Variants in NIBAN1 observed in about 807,000 individuals in gnomAD.
NIBAN1 encodes niban apoptosis regulator 1.
In NIBAN1, 81 loss-of-function variants were observed where a neutral mutation model predicts 75.1. The ratio of observed to expected loss-of-function variants is 1.08; its 90% CI spans 0.90 to 1.30. The LOEUF is 1.30. NIBAN1 is among the 50% of genes most tolerant of loss of function. NIBAN1 has a pLI of 0.00. For synonymous variants in NIBAN1, 436 were observed against 424.8 expected (o/e 1.03, Z -0.32); for missense variants, 1,133 against 1,128.1 (o/e 1.00, Z -0.06).
At chr1:184,875,956 C>A (rs1656220613) in intron 5 of NIBAN1, among the ~76,000 whole-genome samples, 1 of 151,964 alleles carries the variant, frequency 6.6e-6, no homozygotes. Flanking sequence ...GGTGGATCAC[C>A]TGAGGTCAGG....
intron 5 of NIBAN1, among the ~76,000 whole-genome samples, chr1:184,879,078 CAG>C (rs1656307646): frequency 6.6e-6 from 1 of 152,150 alleles, no homozygotes; most frequent in Admixed American, 6.6e-5. Flanking sequence ...GTAGCTCAAG[CAG>C]AGAGAACACT....
At chr1:184,897,035 G>A (rs1043699690) in intron 2 of NIBAN1, among the ~76,000 whole-genome samples, 1 of 152,022 alleles carries the variant, frequency 6.6e-6, no homozygotes, top group African/African-American at 2.4e-5. Flanking sequence ...GCTTTTATTT[G>A]TTCCCTATGA....
chr1:184,938,853 A>G (rs1658023607), intron 1 of NIBAN1, among the ~76,000 whole-genome samples: 1 of 152,228 alleles, frequency 6.6e-6, no homozygotes, highest in Non-Finnish European at 1.5e-5. Context: ...TAAAGATTGT[A>G]TTACTAGGGC....
At chr1:184,909,563 AG>A (rs1367781539) in intron 1 of NIBAN1, among the ~76,000 whole-genome samples, 1 of 152,232 alleles carries the variant, frequency 6.6e-6, no homozygotes, top group East Asian at 1.9e-4. Context: ...CAGGAAAAAA[AG>A]TCTATAAACC....
intron 1 of NIBAN1, among the ~76,000 whole-genome samples, chr1:184,906,849 T>A (rs1432410436): frequency 6.6e-6 from 1 of 152,178 alleles, no homozygotes; most frequent in East Asian, 1.9e-4. Flanking sequence ...GACAAATCTG[T>A]ATATTTTCTC....
At chr1:184,924,604 G>T (rs1255904897) in intron 1 of NIBAN1, among the ~76,000 whole-genome samples, 1 of 152,086 alleles carries the variant, frequency 6.6e-6, no homozygotes, top group Non-Finnish European at 1.5e-5. Flanking sequence ...AATAGTTTGG[G>T]TAGGATTGGT....
intron 5 of NIBAN1, among the ~76,000 whole-genome samples, chr1:184,870,913 G>A (rs997495593): frequency 6.6e-6 from 1 of 152,108 alleles, no homozygotes; most frequent in Admixed American, 6.6e-5. Context: ...AAATTCATAC[G>A]TTGAAATCTT....
intron 5 of NIBAN1, among the ~76,000 whole-genome samples, chr1:184,876,687 CA>C (rs773132917): frequency 1.3e-3 from 178 of 134,758 alleles, no homozygotes; most frequent in Middle Eastern, 4.0e-3. Context: ...GACTCCATCT[CA>C]AAAAAAAAAA....
intron 5 of NIBAN1, among the ~76,000 whole-genome samples, chr1:184,877,276 T>A (rs1465460623): frequency 2.0e-5 from 3 of 150,574 alleles, no homozygotes; most frequent in Non-Finnish European, 4.4e-5. Flanking sequence ...TGGATAAAGT[T>A]AAAAACACAC....
intron 1 of NIBAN1, among the ~76,000 whole-genome samples, chr1:184,903,520 G>T (rs1433775872): frequency 6.6e-6 from 1 of 152,110 alleles, no homozygotes; most frequent in African/African-American, 2.4e-5. Context: ...GGATAGGTGT[G>T]TTCTTGTTCC....
chr1:184,826,846 T>C (rs1654853932), intron 6 of NIBAN1, among the ~76,000 whole-genome samples: 1 of 150,518 alleles, frequency 6.6e-6, no homozygotes, highest in Non-Finnish European at 1.5e-5. Flanking sequence ...AGGGTGGGAG[T>C]GGGTTACGAG....
intron 1 of NIBAN1, among the ~76,000 whole-genome samples, chr1:184,939,892 T>A (rs1029199951): frequency 6.6e-5 from 10 of 152,188 alleles, no homozygotes; most frequent in African/African-American, 2.4e-4. Context: ...ATCCTATTCA[T>A]CTTTGTATCT....
rs1290733293 is a variant in NIBAN1, at chr1:184,901,280, A to G, written c.56-1971T>C. 2.6e-5 allele frequency among the ~76,000 whole-genome samples: 4 copies of G among 152,202 alleles called. No individual in the cohort carries two copies. The East Asian group carries it at 7.7e-4, about 29-fold the overall frequency. On this transcript the variant is annotated intron_variant, in intron 1 of 13. Coordinates refer to ENST00000367511, the MANE Select transcript of NIBAN1 (RefSeq NM_052966.4). The stretch of plus-strand genomic sequence containing the variant: ...TAAGGTGCTTTGAGACCCACTAATA[A>G]TAGATTCTGTAGAAATGCAAATAAA...
At chr1:184,857,691 C>T (rs567581490) in intron 5 of NIBAN1, among the ~76,000 whole-genome samples, 1 of 152,138 alleles carries the variant, frequency 6.6e-6, no homozygotes, top group African/African-American at 2.4e-5. Flanking sequence ...AATAGATATA[C>T]ATATACATAT....
At chr1:184,865,963 C>A (rs1655945402) in intron 5 of NIBAN1, among the ~76,000 whole-genome samples, 1 of 152,154 alleles carries the variant, frequency 6.6e-6, no homozygotes, top group Non-Finnish European at 1.5e-5. Flanking sequence ...AGACCTTTCT[C>A]CTAAACAATC....
intron 5 of NIBAN1, among the ~76,000 whole-genome samples, chr1:184,842,610 G>A (rs960310384): frequency 3.9e-5 from 6 of 152,096 alleles, no homozygotes; most frequent in African/African-American, 9.7e-5. Context: ...AAAATTAGCC[G>A]GGCGTGGTGG....
intron 5 of NIBAN1, among the ~76,000 whole-genome samples, chr1:184,879,972 C>T (rs370215106): frequency 2.0e-5 from 3 of 152,174 alleles, no homozygotes; most frequent in South Asian, 2.1e-4. Flanking sequence ...TTGATACTAC[C>T]GTTTTCAACC....
intron 9 of NIBAN1, among the ~76,000 whole-genome samples, chr1:184,814,889 T>A (rs752752937): frequency 6.6e-6 from 1 of 152,224 alleles, no homozygotes; most frequent in Admixed American, 6.5e-5. Flanking sequence ...CATGGACTCA[T>A]GAAGAACTAG....
intron 6 of NIBAN1, among the ~76,000 whole-genome samples, chr1:184,825,252 C>A (rs10797989): frequency 6.6e-6 from 1 of 151,952 alleles, no homozygotes; most frequent in Non-Finnish European, 1.5e-5. Flanking sequence ...TCACTGCAAT[C>A]GAGAGTCTAA....
Sources: allele counts gnomAD v4.1 joint callset (sites outside exome capture counted in the v4.1 genomes callset), GRCh38; gene constraint gnomAD v4.1.1; transcripts MANE v1.5; gene names NCBI Gene and HGNC (gene_info 2026-07-23, HGNC 2026-07-21).